Variants in BASP1 observed in about 807,000 individuals in gnomAD.
The protein encoded by BASP1 is brain acid soluble protein 1.
Under a neutral mutation model 2.2 loss-of-function variants are expected in BASP1, and 1 was observed. That is an observed-to-expected ratio of 0.46 (90% CI 0.16 to 2.17). BASP1 has a LOEUF of 2.17. Among genes scored for constraint, BASP1 ranks in the 30% most tolerant of loss-of-function variants. The pLI is 0.27. For synonymous variants in BASP1, 187 were observed against 154.2 expected (o/e 1.21, Z -1.58); for missense variants, 352 against 327.2 (o/e 1.08, Z -0.58).
intron 1 of BASP1, among the ~76,000 whole-genome samples, chr5:17,220,874 G>A (rs971389526): frequency 2.0e-5 from 3 of 152,200 alleles, no homozygotes; most frequent in South Asian, 2.1e-4. Context: ...ATGGTCAAGC[G>A]GAGTATGACA....
chr5:17,231,176 T>G (rs905654241), intron 1 of BASP1, among the ~76,000 whole-genome samples: 4 of 152,228 alleles, frequency 2.6e-5, no homozygotes, highest in African/African-American at 7.2e-5. Flanking sequence ...TCTTAAAATT[T>G]ATGCAGTGTC....
intron 1 of BASP1, among the ~76,000 whole-genome samples, chr5:17,226,145 CTT>C (rs752806131): frequency 9.2e-5 from 14 of 152,156 alleles, no homozygotes; most frequent in South Asian, 4.1e-4. Flanking sequence ...TAATAGGTAA[CTT>C]TTATTTTCAT....
At chr5:17,217,397 T>G (rs1240052570), upstream of BASP1, among the ~76,000 whole-genome samples, 1 of 7,836 alleles carries the variant, frequency 1.3e-4, no homozygotes, top group Non-Finnish European at 2.1e-4. Context: ...GGGGAGGGTC[T>G]GCGCCGGAGG....
intron 1 of BASP1, among the ~76,000 whole-genome samples, chr5:17,250,127 A>G (rs936646593): frequency 6.6e-6 from 1 of 152,028 alleles, no homozygotes; most frequent in Non-Finnish European, 1.5e-5. Context: ...TGTTTTTTTT[A>G]GTAGAGATGA....
At chr5:17,243,436 G>C (rs975124018) in intron 1 of BASP1, among the ~76,000 whole-genome samples, 4 of 152,180 alleles carry the variant, frequency 2.6e-5, no homozygotes, top group Non-Finnish European at 2.9e-5. Context: ...TTACAGGCAT[G>C]AGCCACCACG....
chr5:17,243,583 T>C (rs1342498110), intron 1 of BASP1, among the ~76,000 whole-genome samples: 2 of 152,360 alleles, frequency 1.3e-5, no homozygotes, highest in East Asian at 3.9e-4. Context: ...GGTTGGCTGT[T>C]CCTGCCATTC....
intron 1 of BASP1, among the ~76,000 whole-genome samples, chr5:17,255,259 A>G (rs545121968): frequency 3.1e-4 from 47 of 152,318 alleles, no homozygotes; most frequent in African/African-American, 1.1e-3. Flanking sequence ...ACAGGTGTAG[A>G]TTCACAAGAG....
At chr5:17,261,090 A>G (rs1274926711) in intron 1 of BASP1, among the ~76,000 whole-genome samples, 5 of 152,248 alleles carry the variant, frequency 3.3e-5, no homozygotes, top group Admixed American at 1.3e-4. Flanking sequence ...TAAATGACCA[A>G]AGATGGATGG....
rs769605796 is a variant in BASP1 at position 17,227,259 on chromosome 5, G to A, written c.-10+9449G>A. 1.2e-3 allele frequency among the ~76,000 whole-genome samples: 184 copies of A among 151,176 alleles called. 1 individual carries two copies. The highest frequency in any genetic ancestry group is 1.9e-3 in the Non-Finnish European group (132 of 67,820). On this transcript the variant is annotated intron_variant, in intron 1 of 1. Coordinates refer to ENST00000322611, the MANE Select transcript of BASP1 (RefSeq NM_006317.5). ...TCTTTTTAGACAGTCTCACTCTGTCGCCCAGGCTGGAGTGCAGTGGCGCAA... is the reference window on the plus strand; with the variant it reads ...TCTTTTTAGACAGTCTCACTCTGTCACCCAGGCTGGAGTGCAGTGGCGCAA...
chr5:17,227,225 G>A (rs1246941133), intron 1 of BASP1, among the ~76,000 whole-genome samples: 3 of 141,312 alleles, frequency 2.1e-5, no homozygotes, highest in Admixed American at 7.1e-5. Context: ...CACCGCACCC[G>A]TCCTTTTTTC....
intron 1 of BASP1, among the ~76,000 whole-genome samples, chr5:17,245,281 A>C (rs1490476737): frequency 3.4e-5 from 5 of 148,064 alleles, no homozygotes; most frequent in African/African-American, 1.2e-4. Context: ...TAGCCTGGGC[A>C]ACAGAGTGAA....
chr5:17,234,821 T>C (rs1382480242), intron 1 of BASP1, among the ~76,000 whole-genome samples: 2 of 152,240 alleles, frequency 1.3e-5, no homozygotes, highest in African/African-American at 4.8e-5. Flanking sequence ...ATTCTTTTTC[T>C]TCAATCTGTC....
At chr5:17,238,881 A>G (rs1247174371) in intron 1 of BASP1, among the ~76,000 whole-genome samples, 1 of 152,178 alleles carries the variant, frequency 6.6e-6, no homozygotes, top group Non-Finnish European at 1.5e-5. Flanking sequence ...GGTTATCTTC[A>G]GTAAATTTTA....
Position 17,251,073 on chromosome 5 carries a change from T to C in BASP1, c.-9-24135T>C, listed in dbSNP as rs907707416. Among the ~76,000 whole-genome samples the C allele has an allele frequency of 1.3e-5, 2 of 152,220 alleles. No homozygotes were observed. Among genetic ancestry groups the C allele is most frequent in the Admixed American group, 6.5e-5 (1 of 15,278 alleles). On this transcript the variant is annotated intron_variant, in intron 1 of 1. Transcript: ENST00000322611. This position sits in a 1 kb window ranked among gnomAD's most constrained non-coding sequence, Gnocchi z 4.0. ...AAATTCCAGAAATGGGTTCTAGGGC[T>C]GATCTGGTAGTTGAGGGGTGTGATC...
chr5:17,264,321 G>T (rs1337211356), intron 1 of BASP1, among the ~76,000 whole-genome samples: 1 of 151,916 alleles, frequency 6.6e-6, no homozygotes, highest in South Asian at 2.1e-4. Flanking sequence ...TTTGCTTCAG[G>T]TAGGTTTGAC....
intron 1 of BASP1, among the ~76,000 whole-genome samples, chr5:17,263,517 G>C (rs1740359890): frequency 6.6e-6 from 1 of 152,148 alleles, no homozygotes; most frequent in Non-Finnish European, 1.5e-5. Flanking sequence ...TATGCATTTT[G>C]GATTTTTGAT....
chr5:17,221,687 T>G (rs1739396925), intron 1 of BASP1, among the ~76,000 whole-genome samples: 1 of 152,194 alleles, frequency 6.6e-6, no homozygotes, highest in Non-Finnish European at 1.5e-5. Flanking sequence ...CCTTTAAATT[T>G]ATTGTATCTC....
chr5:17,253,123 A>G (rs1343503214), intron 1 of BASP1, among the ~76,000 whole-genome samples: 1 of 151,684 alleles, frequency 6.6e-6, no homozygotes, highest in Non-Finnish European at 1.5e-5. Flanking sequence ...TAAAATAATC[A>G]ATTGGTTTTT....
chr5:17,271,645 G>A (rs1320852906), intron 1 of BASP1, among the ~76,000 whole-genome samples: 1 of 152,164 alleles, frequency 6.6e-6, no homozygotes. Flanking sequence ...GACTTTTTTA[G>A]TTGAAGTGAC....
Sources: gnomAD v4.1 joint callset for allele counts (sites outside exome capture counted in the v4.1 genomes callset) on GRCh38, gnomAD v4.1.1 for gene constraint, Gnocchi (gnomAD v3.1) non-coding constraint, MANE v1.5 for transcripts, NCBI Gene and HGNC (gene_info 2026-07-23, HGNC 2026-07-21) for gene names.